ADGRV1: variants seen among roughly 807,000 people sequenced by gnomAD.
The protein encoded by ADGRV1 is G-protein coupled receptor 98.
ADGRV1 carries 359 observed loss-of-function variants against 596.2 expected under a neutral mutation model. The observed-to-expected ratio is 0.60, with a 90% CI of 0.55 to 0.66. ADGRV1 has a LOEUF of 0.66. Among genes scored for constraint, ADGRV1 ranks in the 30% least tolerant of loss-of-function variants. The probability of loss-of-function intolerance (pLI) is 0.00; values close to 1 mark genes in which losing one functional copy is unlikely to be tolerated. For synonymous variants in ADGRV1, 2,681 were observed against 2,679.2 expected, an observed-to-expected ratio of 1.00 and a Z score of -0.02; for missense variants, 7,274 against 7,575.6, an observed-to-expected ratio of 0.96 and a Z score of 1.48.
At chr5:90,805,160 T>C in intron 71 of ADGRV1, 124 bp from the exon 72 acceptor site, 1 of 578,352 alleles carries the variant, frequency 1.7e-6, no homozygotes, top group Admixed American at 3.8e-5. Context: ...CACTTCTCTT[T>C]AATTCAGTAT....
intron 83 of ADGRV1, among the ~76,000 whole-genome samples, chr5:90,921,998 C>T (rs1773921382): frequency 6.6e-6 from 1 of 152,134 alleles, no homozygotes; most frequent in Non-Finnish European, 1.5e-5. Context: ...TATTCACACT[C>T]TACTGGTTGC....
In ADGRV1 at chr5:91,102,339, A is replaced by T; in HGVS notation, c.18431A>T (p.Gln6144Leu). ...LVLFVIFNSL[Q>L]GLYVFMVYFI... Reference sequence around the variant, plus strand: ...CTCTTTGTCATTTTCAACAGTCTGCAGGTAAGCCTTACAATTTGGTTAGTG... The same window carrying T: ...CTCTTTGTCATTTTCAACAGTCTGCTGGTAAGCCTTACAATTTGGTTAGTG... The change falls in exon 87 of 90, where the codon CAG becomes CTG. Residue 6144 changes from glutamine to leucine, a missense_variant and splice_region_variant. By Grantham distance (113) the Gln-to-Leu change is moderately radical. Coordinates refer to ENST00000405460, the MANE Select transcript of ADGRV1 (RefSeq NM_032119.4). 1.3e-6 allele frequency: 2 copies of T among 1,584,402 alleles called. No homozygotes were observed. The highest frequency in any genetic ancestry group is 1.7e-6 in the Non-Finnish European group (2 of 1,167,094).
intron 85 of ADGRV1, among the ~76,000 whole-genome samples, chr5:91,057,235 T>A (rs555201318): frequency 6.6e-6 from 1 of 152,372 alleles, no homozygotes; most frequent in South Asian, 2.1e-4. Context: ...AGTGTGTTTT[T>A]AAATTATTTC....
chr5:90,979,768 C>A (rs1562037673), intron 84 of ADGRV1, among the ~76,000 whole-genome samples: 1 of 152,144 alleles, frequency 6.6e-6, no homozygotes, highest in Non-Finnish European at 1.5e-5. Flanking sequence ...AAAAATGTAA[C>A]CTCTCCTTTT....
At chr5:91,022,230 G>C (rs1035297150) in intron 85 of ADGRV1, among the ~76,000 whole-genome samples, 6 of 151,984 alleles carry the variant, frequency 3.9e-5, no homozygotes, top group Admixed American at 3.3e-4. Flanking sequence ...ATTCTATCCA[G>C]TGTATTTATC....
intron 83 of ADGRV1, among the ~76,000 whole-genome samples, chr5:90,934,878 TG>T (rs1775548742): frequency 6.6e-6 from 1 of 152,156 alleles, no homozygotes; most frequent in Non-Finnish European, 1.5e-5. Context: ...TCTGTGTACT[TG>T]GAGAAGGAAA....
At chr5:91,090,571 C>T (rs544474887) in intron 86 of ADGRV1, among the ~76,000 whole-genome samples, 1 of 151,782 alleles carries the variant, frequency 6.6e-6, no homozygotes, top group South Asian at 2.1e-4. Flanking sequence ...ACATTCTCCT[C>T]TTTAACCCTG....
At chr5:90,762,954 C>A (rs1361790555) in intron 58 of ADGRV1, 1 of 169,784 alleles carries the variant, frequency 5.9e-6, no homozygotes, top group South Asian at 1.6e-4. Flanking sequence ...AGGTCCTGGG[C>A]CTCCTCTCTA....
intron 85 of ADGRV1, among the ~76,000 whole-genome samples, chr5:91,061,783 T>C (rs1351254804): frequency 6.6e-6 from 1 of 152,242 alleles, no homozygotes; most frequent in Non-Finnish European, 1.5e-5. Flanking sequence ...TTAGCAATTC[T>C]CACCATGGTG....
chr5:90,572,008 AG>A (rs372190165), intron 1 of ADGRV1, among the ~76,000 whole-genome samples: 239 of 152,260 alleles, frequency 1.6e-3, no homozygotes, highest in African/African-American at 5.5e-3. Flanking sequence ...AGAGGATTTT[AG>A]GAGGTCCTTA....
At chr5:90,822,335 A>G (rs1207650618) in intron 75 of ADGRV1, among the ~76,000 whole-genome samples, 1 of 152,174 alleles carries the variant, frequency 6.6e-6, no homozygotes, top group Non-Finnish European at 1.5e-5. Context: ...TAGTGAGATG[A>G]ACCTGGTACC....
At chr5:90,878,522 C>G (rs762989866) in intron 83 of ADGRV1, among the ~76,000 whole-genome samples, 1 of 152,202 alleles carries the variant, frequency 6.6e-6, no homozygotes, top group East Asian at 1.9e-4. Context: ...GAAACAGTCA[C>G]CCAGCATCTA....
At chr5:91,147,262 A>G (rs1795624553) in intron 87 of ADGRV1, among the ~76,000 whole-genome samples, 1 of 152,034 alleles carries the variant, frequency 6.6e-6, no homozygotes, top group African/African-American at 2.4e-5. Flanking sequence ...TGACATTCAA[A>G]ATTTGCCATG....
chr5:90,579,386 G>A (rs1338480510), intron 1 of ADGRV1, among the ~76,000 whole-genome samples: 2 of 152,192 alleles, frequency 1.3e-5, no homozygotes, highest in African/African-American at 4.8e-5. Flanking sequence ...TCAGGAGCAG[G>A]TTGTTCAGTT....
At chr5:90,809,293 T>TACACACACACGCACACAC (rs1554124351) in intron 73 of ADGRV1, among the ~76,000 whole-genome samples, 24 of 134,624 alleles carry the variant, frequency 1.8e-4, no homozygotes, top group African/African-American at 6.5e-4. Flanking sequence ...CGGGCATAAA[T>TACACACACACGCACACAC]ACACACACAC....
In ADGRV1 at chr5:90,653,729, A is replaced by G; in HGVS notation, c.4155A>G (p.Val1385=). ...DDGNGSIYYG[V]KIQTNESHVT... The stretch of plus-strand genomic sequence containing the variant: ...GTAATGGAAGCATCTACTACGGGGT[A>G]AAAATACAAACAAACGAATCCCATG... Residue 1385 remains valine, a synonymous_variant, in exon 20 of 90, where the codon GTA becomes GTG. Coordinates refer to ENST00000405460, the MANE Select transcript of ADGRV1 (RefSeq NM_032119.4). 6.2e-7 allele frequency: 1 copy of G among 1,613,028 alleles called. No homozygotes were observed.
intron 83 of ADGRV1, among the ~76,000 whole-genome samples, chr5:90,937,115 A>G (rs1169352767): frequency 6.6e-6 from 1 of 152,124 alleles, no homozygotes; most frequent in African/African-American, 2.4e-5. Flanking sequence ...GTTTCATTAC[A>G]ATATATATTC....
chr5:91,127,440 A>T (rs1793857049), intron 87 of ADGRV1, among the ~76,000 whole-genome samples: 2 of 150,890 alleles, frequency 1.3e-5, no homozygotes, highest in Admixed American at 1.3e-4. Context: ...CCAGAGGCTG[A>T]GGCAGGAAGA....
chr5:90,685,655 G>A (rs921177608), intron 28 of ADGRV1, 125 bp from the exon 29 acceptor site: 5 of 389,758 alleles, frequency 1.3e-5, no homozygotes, highest in Middle Eastern at 5.6e-4. Flanking sequence ...AAATAGTAGA[G>A]GGAAAACCCC....
Sources: allele counts gnomAD v4.1 joint callset (sites outside exome capture counted in the v4.1 genomes callset), GRCh38; gene constraint gnomAD v4.1.1; transcripts MANE v1.5; gene names NCBI Gene and HGNC (gene_info 2026-07-23, HGNC 2026-07-21).